The following FGF12 variants were observed in gnomAD, a reference collection of about 807,000 sequenced individuals.
The protein encoded by FGF12 is fibroblast growth factor 12.
A neutral mutation model predicts 23.6 loss-of-function variants in FGF12; 14 were observed. That is an observed-to-expected ratio of 0.59 (90% CI 0.39 to 0.93). The LOEUF is 0.93. Ranked by LOEUF, FGF12 falls within the 40% of genes least tolerant of loss-of-function variation. FGF12 has a pLI of 0.00. For missense variants in FGF12, 175 were observed against 217.8 expected, an observed-to-expected ratio of 0.80 and a Z score of 1.24; for synonymous variants, 62 against 77.3, an observed-to-expected ratio of 0.80 and a Z score of 1.04.
intron 2 of FGF12, among the ~76,000 whole-genome samples, chr3:192,527,645 A>C (rs575942264): frequency 6.6e-6 from 1 of 152,322 alleles, no homozygotes; most frequent in South Asian, 2.1e-4. Flanking sequence ...ATCCATTTAG[A>C]CTGAACTGTT....
intron 4 of FGF12, among the ~76,000 whole-genome samples, chr3:192,179,765 C>T (rs1716067381): frequency 6.6e-6 from 1 of 151,914 alleles, no homozygotes; most frequent in African/African-American, 2.4e-5. Flanking sequence ...AGGTTGGTCT[C>T]GAACTCCTGA....
chr3:192,251,071 C>T (rs899551587), intron 4 of FGF12, among the ~76,000 whole-genome samples: 7 of 152,044 alleles, frequency 4.6e-5, no homozygotes, highest in African/African-American at 9.7e-5. Flanking sequence ...TTAAGCTGAT[C>T]GTGAGTCAAT....
intron 2 of FGF12, among the ~76,000 whole-genome samples, chr3:192,613,237 C>G (rs1486232501): frequency 6.6e-6 from 1 of 151,826 alleles, no homozygotes; most frequent in Non-Finnish European, 1.5e-5. Flanking sequence ...AGATTAGTAA[C>G]TTTATTGTAT....
intron 2 of FGF12, among the ~76,000 whole-genome samples, chr3:192,570,438 AG>A (rs1426683557): frequency 4.3e-5 from 1 of 23,448 alleles, no homozygotes; most frequent in Non-Finnish European, 8.6e-5. Context: ...AGAGAAAAAA[AG>A]AGACAGGCTG....
At chr3:192,636,976 T>C (rs1715606386) in intron 2 of FGF12, among the ~76,000 whole-genome samples, 1 of 152,192 alleles carries the variant, frequency 6.6e-6, no homozygotes. Flanking sequence ...CAAAGAGCTA[T>C]GGGCCTGCAC....
intron 2 of FGF12, among the ~76,000 whole-genome samples, chr3:192,528,496 C>T (rs938649397): frequency 2.0e-5 from 3 of 152,112 alleles, no homozygotes; most frequent in African/African-American, 4.8e-5. Flanking sequence ...TCTAGGTACA[C>T]GGTACAACCT....
intron 4 of FGF12, among the ~76,000 whole-genome samples, chr3:192,277,000 A>G (rs1713831269): frequency 6.6e-6 from 1 of 152,204 alleles, no homozygotes; most frequent in African/African-American, 2.4e-5. Context: ...TAAACCTAAG[A>G]ATAAAAAGGG....
At chr3:192,450,098 G>A (rs2108801194) in intron 2 of FGF12, among the ~76,000 whole-genome samples, 1 of 152,262 alleles carries the variant, frequency 6.6e-6, no homozygotes, top group South Asian at 2.1e-4. Context: ...TCCAAGAGTA[G>A]CAGAGACAAA....
chr3:192,335,374 T>C lies in FGF12; in HGVS notation c.215A>G (p.Tyr72Cys), dbSNP rs1231565466. 6.2e-7 allele frequency: 1 copy of C among 1,610,388 alleles called. No homozygotes were observed. The highest frequency in any genetic ancestry group is 1.3e-5 in the African/African-American group (1 of 74,792). Residue 72 changes from tyrosine to cysteine, a missense_variant, in exon 4 of 6, where the codon TAT becomes TGT. Tyr to Cys is a radical substitution (Grantham distance 194). Coordinates refer to ENST00000445105, the MANE Select transcript of FGF12 (RefSeq NM_004113.6). The stretch of plus-strand genomic sequence containing the variant: ...CAATGTACTTACTGAACTGTAGAGA[T>C]AGCCTTCACCATTCATGGCCACATA... ...SLYVAMNGEG[Y>C]LYSSDVFTPE...
intron 2 of FGF12, among the ~76,000 whole-genome samples, chr3:192,664,610 A>AAAAAAAAAAAAAAAAAC: frequency 6.8e-6 from 1 of 146,424 alleles, no homozygotes; most frequent in Non-Finnish European, 1.5e-5. Flanking sequence ...AAATACAAAA[A>AAAAAAAAAAAAAAAAAC]AAAAAAAAAG....
chr3:192,202,459 C>T (rs1406876759), intron 4 of FGF12, among the ~76,000 whole-genome samples: 1 of 152,176 alleles, frequency 6.6e-6, no homozygotes, highest in African/African-American at 2.4e-5. Context: ...TGTGCCTGTT[C>T]TAATTAATGT....
In FGF12 at chr3:192,285,891, T is replaced by C. The variant is rs375759221; in HGVS notation, c.228+49470A>G. ...TGCTCCTTAACTATGACAGCAAATGTTTGCATATTTACAATGTGCTGGAGA... is the reference window on the plus strand; with the variant it reads ...TGCTCCTTAACTATGACAGCAAATGCTTGCATATTTACAATGTGCTGGAGA... On this transcript the variant is annotated intron_variant, in intron 4 of 5. Coordinates refer to ENST00000445105, the MANE Select transcript of FGF12 (RefSeq NM_004113.6). 3.3e-5 allele frequency among the ~76,000 whole-genome samples: 5 copies of C among 152,174 alleles called. No homozygotes were observed. In the East Asian group the frequency reaches 9.7e-4, roughly 29 times the overall value.
At chr3:192,215,776 A>G (rs1718164196) in intron 4 of FGF12, among the ~76,000 whole-genome samples, 1 of 152,216 alleles carries the variant, frequency 6.6e-6, no homozygotes, top group Non-Finnish European at 1.5e-5. Context: ...GGTGGTAGAC[A>G]TATAAAACAA....
chr3:192,689,426 G>C (rs1717872477), intron 2 of FGF12, among the ~76,000 whole-genome samples: 1 of 151,702 alleles, frequency 6.6e-6, no homozygotes. Context: ...TAAAAAATTA[G>C]GAAACAATAA....
intron 4 of FGF12, among the ~76,000 whole-genome samples, chr3:192,202,657 T>C (rs568782819): frequency 6.6e-6 from 1 of 152,354 alleles, no homozygotes; most frequent in African/African-American, 2.4e-5. Flanking sequence ...ATTGTTGGAA[T>C]GCAGTGATGG....
At chr3:192,381,402 T>C (rs966454487) in intron 2 of FGF12, among the ~76,000 whole-genome samples, 8 of 152,220 alleles carry the variant, frequency 5.3e-5, no homozygotes, top group African/African-American at 1.9e-4. Flanking sequence ...CCTTGATCTT[T>C]CCTTCCACCA....
intron 2 of FGF12, among the ~76,000 whole-genome samples, chr3:192,595,723 G>T (rs777630532): frequency 6.6e-6 from 1 of 152,118 alleles, no homozygotes; most frequent in Non-Finnish European, 1.5e-5. Flanking sequence ...ACTTGGTCTT[G>T]GTAGATTAGA....
intron 2 of FGF12, among the ~76,000 whole-genome samples, chr3:192,440,867 CACTTA>C (rs1391059773): frequency 6.6e-6 from 1 of 152,182 alleles, no homozygotes; most frequent in African/African-American, 2.4e-5. Context: ...CTGGTGATGA[CACTTA>C]ACTTGCAGTT....
At chr3:192,313,573 G>A (rs1716071959) in intron 4 of FGF12, among the ~76,000 whole-genome samples, 1 of 152,210 alleles carries the variant, frequency 6.6e-6, no homozygotes, top group Non-Finnish European at 1.5e-5. Flanking sequence ...ATAAGCTTCT[G>A]TTTCCAAATC....
Sources: allele counts gnomAD v4.1 joint callset (sites outside exome capture counted in the v4.1 genomes callset), GRCh38; gene constraint gnomAD v4.1.1; transcripts MANE v1.5; gene names NCBI Gene and HGNC (gene_info 2026-07-23, HGNC 2026-07-21).